BMP1: variants seen among roughly 807,000 people sequenced by gnomAD.
BMP1 encodes the protein bone morphogenetic protein 1.
In BMP1, 63 loss-of-function variants were observed where a neutral mutation model predicts 116.8. That is an observed-to-expected ratio of 0.54 (90% CI 0.44 to 0.67). The LOEUF (loss-of-function observed/expected upper bound fraction) is 0.67, where lower values mean the gene tolerates loss of function less well. Among genes scored for constraint, BMP1 ranks in the 30% least tolerant of loss-of-function variants. The pLI is 0.00. For missense variants in BMP1, 1,183 were observed against 1,358.9 expected (o/e 0.87, Z 2.04); for synonymous variants, 536 against 533.4 (o/e 1.00, Z -0.07).
intron 6 of BMP1, among the ~76,000 whole-genome samples, chr8:22,178,227 G>A (rs541389290): frequency 6.6e-6 from 1 of 152,386 alleles, no homozygotes; most frequent in East Asian, 1.9e-4. Flanking sequence ...AAGCCCAGCA[G>A]TGTGGGGTAG....
At chr8:22,203,834 C>T (rs1244365568) in intron 16 of BMP1, among the ~76,000 whole-genome samples, 1 of 152,178 alleles carries the variant, frequency 6.6e-6, no homozygotes, top group Non-Finnish European at 1.5e-5. Flanking sequence ...GGACCTTATA[C>T]TGATATTGTC....
rs10664439 is a variant in BMP1 at position 22,210,468 on chromosome 8, T to TCTCTCTCACACACACA, written c.2826+774_2826+775insTCTCTCACACACACAC. 4.7e-3 allele frequency among the ~76,000 whole-genome samples: 636 copies of TCTCTCTCACACACACA among 135,530 alleles called. 5 individuals are homozygous for TCTCTCTCACACACACA. The highest frequency in any genetic ancestry group is 5.7e-3 in the Non-Finnish European group (370 of 64,682). The allele number at this position is 135,530 out of a possible 152,430, so 88.9% of individuals were successfully genotyped here. ...TTCCCTCTCTCTCTCTCTCTCTCTC[T>TCTCTCTCACACACACA]CACACACATACACACACACTGGCAC... On this transcript the variant is annotated intron_variant, in intron 19 of 19. Transcript: ENST00000306385.
intron 17 of BMP1, 101 bp from the exon 18 acceptor site, chr8:22,207,202 C>T: frequency 1.4e-6 from 2 of 1,419,122 alleles, no homozygotes; most frequent in South Asian, 1.3e-5. Context: ...GCTGTGGCTG[C>T]TCCCATGGGT....
Position 22,207,317 on chromosome 8 carries a change from G to A in BMP1, c.2376G>A (p.Met792Ile), listed in dbSNP as rs200844063. ...CATCCCCCTAGACCTTCATGGAGATGGACATCGAGTCCCAGCCTGAGTGTG... is the reference window on the plus strand; with the variant it reads ...CATCCCCCTAGACCTTCATGGAGATAGACATCGAGTCCCAGCCTGAGTGTG... ...GHRVKLTFME[M>I]DIESQPECAY... is the part of the protein sequence containing the mutation. The change falls in exon 18 of 20, where the codon ATG (methionine) becomes ATA (isoleucine). Residue 792 changes from methionine to isoleucine, a missense_variant. Coordinates refer to ENST00000306385, the MANE Select transcript of BMP1 (RefSeq NM_006129.5). The A allele has an allele frequency of 3.7e-6, 6 of 1,612,788 alleles. No individual in the cohort carries two copies. In the South Asian group the frequency reaches 4.4e-5, roughly 12 times the overall value.
rs760072020 is a variant in BMP1 at position 22,211,776 on chromosome 8, C to T, written c.*48C>T. 7 of 1,613,210 alleles carry T rather than the reference C, an allele frequency of 4.3e-6. No individual in the cohort carries two copies. In the African/African-American group the frequency reaches 5.3e-5, roughly 12 times the overall value. ...GACTGGAGCCTGCTGCCCTTGGTCGCCTAGACTGGATAGTGGGGGTGGGCG... is the reference window on the plus strand; with the variant it reads ...GACTGGAGCCTGCTGCCCTTGGTCGTCTAGACTGGATAGTGGGGGTGGGCG... On this transcript the variant is annotated 3_prime_UTR_variant, in exon 20 of 20. Coordinates refer to ENST00000306385, the MANE Select transcript of BMP1 (RefSeq NM_006129.5).
At chr8:22,200,411 C>T (rs545903725) in intron 15 of BMP1, among the ~76,000 whole-genome samples, 206 of 152,202 alleles carry the variant, frequency 1.4e-3, no homozygotes, top group African/African-American at 4.6e-3. Flanking sequence ...CCTGTGTGTG[C>T]GTTGATATCT....
intron 15 of BMP1, 198 bp from the exon 16 acceptor site, chr8:22,201,605 T>C: frequency 7.3e-7 from 1 of 1,370,162 alleles, no homozygotes; most frequent in African/African-American, 1.5e-5. Context: ...CCTGCTCAGC[T>C]GGTCCTGCTG....
At chr8:22,167,575 A>G (rs1056828542) in intron 1 of BMP1, among the ~76,000 whole-genome samples, 1 of 152,146 alleles carries the variant, frequency 6.6e-6, no homozygotes, top group Non-Finnish European at 1.5e-5. Context: ...CAGAGCAGCA[A>G]GAGGCTGAGG....
chr8:22,196,217 G>C (rs749698590), intron 13 of BMP1: 1 of 525,178 alleles, frequency 1.9e-6, no homozygotes, highest in East Asian at 5.4e-5. Flanking sequence ...CCCCTGTTGT[G>C]GGACAGACAC....
At chr8:22,209,977 T>A (rs1341300700) in intron 19 of BMP1, among the ~76,000 whole-genome samples, 3 of 152,264 alleles carry the variant, frequency 2.0e-5, no homozygotes, top group Admixed American at 6.5e-5. Context: ...GGCCACGGCC[T>A]GGAGCGGATG....
chr8:22,190,496 G>A (rs1828900065), intron 8 of BMP1, among the ~76,000 whole-genome samples: 1 of 152,204 alleles, frequency 6.6e-6, no homozygotes, highest in African/African-American at 2.4e-5. Flanking sequence ...TGGGGCCCTT[G>A]AAACTGAGAT....
At chr8:22,181,425 T>C (rs1179899238) in intron 8 of BMP1, among the ~76,000 whole-genome samples, 1 of 152,188 alleles carries the variant, frequency 6.6e-6, no homozygotes, top group Non-Finnish European at 1.5e-5. Flanking sequence ...ACACCGAGTG[T>C]GGGGAGGGCC....
At chr8:22,187,323 TAA>T (rs1828801113) in intron 8 of BMP1, among the ~76,000 whole-genome samples, 1 of 150,294 alleles carries the variant, frequency 6.7e-6, no homozygotes, top group Non-Finnish European at 1.5e-5. Context: ...TTTAATTAAT[TAA>T]TTAATTTATT....
At chr8:22,169,895 C>CA (rs972604043) in intron 1 of BMP1, 2 of 152,176 alleles carry the variant, frequency 1.3e-5, no homozygotes, top group Non-Finnish European at 2.9e-5. Flanking sequence ...GAAAACAACA[C>CA]AAAAAATTTT....
chr8:22,187,588 A>G (rs1828812449), intron 8 of BMP1, among the ~76,000 whole-genome samples: 1 of 141,744 alleles, frequency 7.1e-6, no homozygotes, highest in African/African-American at 2.7e-5. Flanking sequence ...TGACCTCATG[A>G]TACGCCCACC....
At position 22,201,517 on chromosome 8, in the gene BMP1, C is replaced by G. The variant is rs911213125; in HGVS notation, c.2108-286C>G. The G allele has an allele frequency of 5.7e-6, 8 of 1,401,956 alleles. No individual in the cohort carries two copies. The East Asian group carries it at 2.2e-4, about 39-fold the overall frequency. The allele number at this position is 1,401,956 out of a possible 1,614,324, so 86.8% of individuals were successfully genotyped here. A position where few individuals can be genotyped will look rare whatever the true frequency, so the allele number is the denominator to read the frequency against. ...TCCATGTGTCTATTTTTCCACTTGT[C>G]CATCTGTCCAGTAAGCAGGTAATGG... On this transcript the variant is annotated intron_variant, in intron 15 of 19. Coordinates refer to ENST00000306385, the MANE Select transcript of BMP1 (RefSeq NM_006129.5).
intron 16 of BMP1, among the ~76,000 whole-genome samples, chr8:22,204,861 G>T (rs1403595128): frequency 6.6e-6 from 1 of 152,188 alleles, no homozygotes; most frequent in Non-Finnish European, 1.5e-5. Flanking sequence ...AGGCTAGCTG[G>T]AAACAAAAGG....
intron 15 of BMP1, 88 bp downstream of exon 15, chr8:22,197,508 C>T (rs1324823711): frequency 1.4e-6 from 2 of 1,440,380 alleles, no homozygotes. Flanking sequence ...CTGTACTCCC[C>T]AGCCCTCCCT....
At chr8:22,205,196 C>A (rs150401137) in intron 16 of BMP1, among the ~76,000 whole-genome samples, 12 of 152,250 alleles carry the variant, frequency 7.9e-5, no homozygotes, top group Non-Finnish European at 1.3e-4. Flanking sequence ...TGGGAGCTGA[C>A]ACAGTGGCTT....
Sources: allele counts gnomAD v4.1 joint callset (sites outside exome capture counted in the v4.1 genomes callset), GRCh38; gene constraint gnomAD v4.1.1; transcripts MANE v1.5; gene names NCBI Gene and HGNC (gene_info 2026-07-23, HGNC 2026-07-21).